The following ULK4 variants were observed in gnomAD, a reference collection of about 807,000 sequenced individuals.
The protein encoded by ULK4 is unc-51 like kinase 4, also known as inactive serine/threonine-protein kinase ULK4.
ULK4 carries 133 observed loss-of-function variants against 160.6 expected under a neutral mutation model. The ratio of observed to expected loss-of-function variants is 0.83; its 90% CI spans 0.72 to 0.96. The LOEUF (loss-of-function observed/expected upper bound fraction) is 0.96, where lower values mean the gene tolerates loss of function less well. Ranked by LOEUF, ULK4 falls within the 40% of genes least tolerant of loss-of-function variation. The pLI, the probability that ULK4 is intolerant of heterozygous loss-of-function variation, is 0.00. For missense variants in ULK4, 1,580 were observed against 1,499.5 expected (o/e 1.05, Z -0.89); for synonymous variants, 534 against 539.8 (o/e 0.99, Z 0.15).
intron 22 of ULK4, among the ~76,000 whole-genome samples, chr3:41,723,569 G>C (rs1348407611): frequency 3.9e-5 from 6 of 152,204 alleles, no homozygotes; most frequent in African/African-American, 1.4e-4. Flanking sequence ...AGTGAGGAAA[G>C]AGGGGTAAAA....
At chr3:41,748,686 A>C (rs954944170) in intron 22 of ULK4, among the ~76,000 whole-genome samples, 4 of 152,128 alleles carry the variant, frequency 2.6e-5, no homozygotes, top group Non-Finnish European at 5.9e-5. Context: ...TAATCCTGTA[A>C]ATTATCACTC....
At chr3:41,399,121 C>G (rs975947240) in intron 34 of ULK4, among the ~76,000 whole-genome samples, 1 of 152,126 alleles carries the variant, frequency 6.6e-6, no homozygotes, top group Non-Finnish European at 1.5e-5. Flanking sequence ...AAAGCTGCCA[C>G]TTGTACCAGC....
intron 35 of ULK4, among the ~76,000 whole-genome samples, chr3:41,304,273 C>CAAAAAAAAAAAAAAA (rs368282598): frequency 3.3e-5 from 3 of 89,710 alleles, no homozygotes; most frequent in African/African-American, 1.0e-4. Context: ...AGCTCCCCCT[C>CAAAAAAAAAAAAAAA]AAAAAAAAAA....
chr3:41,601,426 G>C lies in ULK4; in HGVS notation c.3120+14243C>G, dbSNP rs551306103. On this transcript the variant is annotated intron_variant, in intron 31 of 36. Coordinates refer to ENST00000301831, the MANE Select transcript of ULK4 (RefSeq NM_017886.4). ...TATGTAGGTACTTTGCCCCCAAGGA[G>C]ATAGAGCTTCATTTCCTATTCTTTG... 3.9e-5 allele frequency among the ~76,000 whole-genome samples: 6 copies of C among 152,272 alleles called. No homozygotes were observed. The East Asian group carries it at 9.7e-4, about 25-fold the overall frequency.
chr3:41,952,814 G>A (rs938855281), intron 2 of ULK4, among the ~76,000 whole-genome samples: 2 of 152,204 alleles, frequency 1.3e-5, no homozygotes, highest in African/African-American at 4.8e-5. Flanking sequence ...AGCAACTTGT[G>A]TCCACTGTTA....
At chr3:41,668,031 A>C (rs982331733) in intron 29 of ULK4, among the ~76,000 whole-genome samples, 2 of 152,218 alleles carry the variant, frequency 1.3e-5, no homozygotes, top group African/African-American at 4.8e-5. Context: ...AATCATGAGA[A>C]AATATTCTGA....
chr3:41,283,540 C>A (rs971956797), intron 35 of ULK4, among the ~76,000 whole-genome samples: 1 of 152,088 alleles, frequency 6.6e-6, no homozygotes, highest in Non-Finnish European at 1.5e-5. Flanking sequence ...AGCAAACTAT[C>A]GCAAGGACAA....
chr3:41,272,343 G>GTGTTTT, intron 35 of ULK4, among the ~76,000 whole-genome samples: 1 of 95,476 alleles, frequency 1.0e-5, no homozygotes, highest in Non-Finnish European at 2.1e-5. Context: ...AATTTTGAAA[G>GTGTTTT]TTTTTTTTTT....
At chr3:41,751,240 C>T (rs2038618572) in intron 22 of ULK4, among the ~76,000 whole-genome samples, 2 of 152,132 alleles carry the variant, frequency 1.3e-5, no homozygotes, top group African/African-American at 2.4e-5. Flanking sequence ...CTTTCTAGAA[C>T]CTTACAGACA....
intron 35 of ULK4, among the ~76,000 whole-genome samples, chr3:41,368,599 T>G (rs1164833699): frequency 6.6e-6 from 1 of 152,218 alleles, no homozygotes; most frequent in Non-Finnish European, 1.5e-5. Context: ...CTAATCTATG[T>G]GTCTATTTTG....
chr3:41,381,021 TG>T (rs1164349974), intron 35 of ULK4, among the ~76,000 whole-genome samples: 1 of 152,110 alleles, frequency 6.6e-6, no homozygotes, highest in Non-Finnish European at 1.5e-5. Context: ...ATGCATCCCC[TG>T]CCCCTCTGCC....
chr3:41,599,281 A>C (rs2031900927), intron 31 of ULK4, among the ~76,000 whole-genome samples: 1 of 152,204 alleles, frequency 6.6e-6, no homozygotes, highest in South Asian at 2.1e-4. Flanking sequence ...ATTAATGCTT[A>C]GGTCAGCTGA....
chr3:41,690,294 G>A (rs1461047986), intron 27 of ULK4, among the ~76,000 whole-genome samples: 1 of 151,464 alleles, frequency 6.6e-6, no homozygotes, highest in African/African-American at 2.4e-5. Flanking sequence ...ACTGTTGTGG[G>A]GTAGGGGGAG....
intron 2 of ULK4, 73 bp from the exon 3 acceptor site, chr3:41,938,270 T>C (rs1310830675): frequency 1.2e-5 from 13 of 1,102,562 alleles, no homozygotes; most frequent in Non-Finnish European, 1.7e-5. Context: ...AAAACCTAAA[T>C]ATACAATTGG....
At chr3:41,765,556 T>A (rs2039133626) in intron 21 of ULK4, among the ~76,000 whole-genome samples, 1 of 151,582 alleles carries the variant, frequency 6.6e-6, no homozygotes. Context: ...TAAAGTATAA[T>A]AATAATAAAA....
At chr3:41,539,450 C>T (rs935508722) in intron 32 of ULK4, among the ~76,000 whole-genome samples, 1 of 152,142 alleles carries the variant, frequency 6.6e-6, no homozygotes, top group Non-Finnish European at 1.5e-5. Context: ...TTTTCTGAAG[C>T]TCACTGTTAC....
intron 32 of ULK4, among the ~76,000 whole-genome samples, chr3:41,478,677 A>G (rs2084216804): frequency 6.6e-6 from 1 of 152,194 alleles, no homozygotes; most frequent in African/African-American, 2.4e-5. Flanking sequence ...AAATCCCTGA[A>G]AGGAGAAGTT....
In ULK4 at chr3:41,423,145, A is replaced by G. The variant is rs576184935; in HGVS notation, c.3493-24881T>C. Reference sequence around the variant, plus strand: ...TGAAAGCAAAAACCAAAGAAAGAAAATCACTGAGATAAGTGCTTTGACAGT... The same window carrying G: ...TGAAAGCAAAAACCAAAGAAAGAAAGTCACTGAGATAAGTGCTTTGACAGT... On this transcript the variant is annotated intron_variant, in intron 34 of 36. Transcript: ENST00000301831. 3.3e-5 allele frequency among the ~76,000 whole-genome samples: 5 copies of G among 152,328 alleles called. No individual in the cohort carries two copies. In the South Asian group the frequency reaches 1.0e-3, roughly 32 times the overall value.
At chr3:41,440,670 G>C (rs1344880431) in intron 34 of ULK4, among the ~76,000 whole-genome samples, 1 of 152,078 alleles carries the variant, frequency 6.6e-6, no homozygotes, top group Non-Finnish European at 1.5e-5. Context: ...CCTCTAGAAT[G>C]AGTTGGGAAA....
Sources: allele counts gnomAD v4.1 joint callset (sites outside exome capture counted in the v4.1 genomes callset), GRCh38; gene constraint gnomAD v4.1.1; transcripts MANE v1.5; gene names NCBI Gene and HGNC (gene_info 2026-07-23, HGNC 2026-07-21).